The following RNF6 variants were observed in gnomAD, a reference collection of about 807,000 sequenced individuals.
RNF6 encodes ring finger protein 6.
A neutral mutation model predicts 50.1 loss-of-function variants in RNF6; 21 were observed. The observed-to-expected ratio is 0.42, with a 90% CI of 0.30 to 0.60. The LOEUF (loss-of-function observed/expected upper bound fraction) is 0.60, where lower values mean the gene tolerates loss of function less well. Ranked by LOEUF, RNF6 falls within the 20% of genes least tolerant of loss-of-function variation. The pLI, the probability that RNF6 is intolerant of heterozygous loss-of-function variation, is 0.20. For missense variants in RNF6, 698 were observed against 838.2 expected (o/e 0.83, Z 2.07); for synonymous variants, 255 against 291.8 (o/e 0.87, Z 1.29).
intron 5 of RNF6, among the ~76,000 whole-genome samples, chr13:26,133,304 A>T (rs796816782): frequency 9.9e-5 from 15 of 152,172 alleles, no homozygotes; most frequent in African/African-American, 3.6e-4. Context: ...TGACTATTAT[A>T]TGTGCTGGTA....
At chr13:26,169,898 C>T (rs1358645257) in intron 5 of RNF6, among the ~76,000 whole-genome samples, 1 of 152,240 alleles carries the variant, frequency 6.6e-6, no homozygotes, top group Non-Finnish European at 1.5e-5. Flanking sequence ...GCTGAGTTCA[C>T]ACTCTCTCCT....
intron 5 of RNF6, among the ~76,000 whole-genome samples, chr13:26,182,072 T>C (rs1873269116): frequency 6.6e-6 from 1 of 152,248 alleles, no homozygotes; most frequent in Non-Finnish European, 1.5e-5. Context: ...TATAAAACTC[T>C]TCTGATAATT....
chr13:26,138,261 CT>C (rs2137548286), intron 5 of RNF6, among the ~76,000 whole-genome samples: 1 of 152,160 alleles, frequency 6.6e-6, no homozygotes, highest in African/African-American at 2.4e-5. Flanking sequence ...TAAAACTGTC[CT>C]TCAAAAATGA....
intron 5 of RNF6, among the ~76,000 whole-genome samples, chr13:26,167,689 C>G (rs1872516440): frequency 6.6e-6 from 1 of 152,192 alleles, no homozygotes; most frequent in African/African-American, 2.4e-5. Context: ...ACCCAGCGAT[C>G]CCATTACTGG....
At chr13:26,165,680 C>A (rs151011181) in intron 5 of RNF6, among the ~76,000 whole-genome samples, 218 of 152,310 alleles carry the variant, frequency 1.4e-3, no homozygotes, top group African/African-American at 4.7e-3. Context: ...AGTTTTGGAG[C>A]TTTAAGATTT....
chr13:26,167,117 G>A (rs9578972), intron 5 of RNF6, among the ~76,000 whole-genome samples: 1,748 of 152,228 alleles, frequency 0.011, 32 homozygotes, highest in African/African-American at 0.04. Context: ...GACAAACTAG[G>A]CAATACCATT....
chr13:26,181,447 C>T (rs913825056), intron 5 of RNF6, among the ~76,000 whole-genome samples: 2 of 152,124 alleles, frequency 1.3e-5, no homozygotes, highest in Non-Finnish European at 2.9e-5. Flanking sequence ...CCTGTGAAAC[C>T]GTGAAAATGT....
intron 5 of RNF6, among the ~76,000 whole-genome samples, chr13:26,156,198 A>C (rs1871914089): frequency 6.6e-6 from 1 of 152,234 alleles, no homozygotes. Flanking sequence ...GAAAGAAATA[A>C]AATCAAGTAG....
intron 5 of RNF6, among the ~76,000 whole-genome samples, chr13:26,162,466 A>G (rs1021067547): frequency 1.3e-5 from 2 of 152,240 alleles, no homozygotes; most frequent in Non-Finnish European, 2.9e-5. Flanking sequence ...ACATGAGTAC[A>G]GTAAACTCTG....
exon 6 of RNF6, chr13:26,132,364 A>G (rs1870433935): frequency 9.1e-6 from 4 of 440,208 alleles, no homozygotes; most frequent in Non-Finnish European, 1.4e-5. Flanking sequence ...AGCTATTGAA[A>G]TGAAGATGAG....
At position 26,174,517 on chromosome 13, in the gene RNF6, G is replaced by A. The variant is rs188977485; in HGVS notation, n.768+40957C>T. Among the ~76,000 whole-genome samples the A allele has an allele frequency of 6.0e-3, 906 of 151,954 alleles. 6 individuals are homozygous for A. The highest frequency in any genetic ancestry group is 0.021 in the African/African-American group (858 of 41,418). On this transcript the variant is annotated intron_variant and non_coding_transcript_variant, in intron 5 of 5. Coordinates refer to the RNF6 transcript ENST00000468480. ...AATACAAAAAAAAAATTAGCTGAGC[G>A]TGGTGGCAGGTGCCTGTAATCCCAG... is the stretch of plus-strand genomic sequence containing the variant.
chr13:26,173,694 A>T (rs301053), intron 5 of RNF6, among the ~76,000 whole-genome samples: 1 of 148,984 alleles, frequency 6.7e-6, no homozygotes, highest in South Asian at 2.1e-4. Context: ...ATTTCTTTGG[A>T]AAAAAAAAAA....
intron 2 of RNF6, among the ~76,000 whole-genome samples, chr13:26,220,408 T>C (rs1014479607): frequency 6.6e-6 from 1 of 152,326 alleles, no homozygotes; most frequent in Non-Finnish European, 1.5e-5. Context: ...TTCCTGACTT[T>C]GCCTAAGAAA....
chr13:26,188,623 C>CTTGTTTT (rs1873666040), intron 5 of RNF6, among the ~76,000 whole-genome samples: 1 of 43,258 alleles, frequency 2.3e-5, no homozygotes, highest in African/African-American at 1.1e-4. Flanking sequence ...GTCAAAAGAG[C>CTTGTTTT]TTTTTTTTTT....
intron 5 of RNF6, among the ~76,000 whole-genome samples, chr13:26,152,399 T>A (rs951280444): frequency 1.3e-5 from 2 of 152,216 alleles, no homozygotes; most frequent in South Asian, 4.1e-4. Flanking sequence ...TCTGTAATGC[T>A]TGGCTTAAAT....
At chr13:26,165,230 A>G (rs1447217698) in intron 5 of RNF6, among the ~76,000 whole-genome samples, 1 of 152,164 alleles carries the variant, frequency 6.6e-6, no homozygotes, top group Non-Finnish European at 1.5e-5. Flanking sequence ...CAGCTTCCAC[A>G]TGGTGTTGAG....
At chr13:26,175,640 C>T (rs1194940012) in intron 5 of RNF6, among the ~76,000 whole-genome samples, 1 of 152,142 alleles carries the variant, frequency 6.6e-6, no homozygotes, top group East Asian at 1.9e-4. Flanking sequence ...AGGCCAAGAG[C>T]TGCCTGAAAG....
intron 5 of RNF6, among the ~76,000 whole-genome samples, chr13:26,186,582 C>A (rs889838830): frequency 6.6e-6 from 1 of 152,226 alleles, no homozygotes. Flanking sequence ...CCAGCGCGGA[C>A]CCTGACGGGG....
chr13:26,162,162 A>G (rs1344007195), intron 5 of RNF6, among the ~76,000 whole-genome samples: 2 of 152,038 alleles, frequency 1.3e-5, no homozygotes. Flanking sequence ...AAACTAACCA[A>G]CGCAGAGCCA....
Sources: gnomAD v4.1 joint callset for allele counts (sites outside exome capture counted in the v4.1 genomes callset) on GRCh38, gnomAD v4.1.1 for gene constraint, MANE v1.5 for transcripts, NCBI Gene and HGNC (gene_info 2026-07-23, HGNC 2026-07-21) for gene names.